Variants in SAMMSON observed in about 807,000 individuals in gnomAD.
The protein encoded by SAMMSON is survival associated mitochondrial melanoma specific oncogenic non-coding RNA.
chr3:70,019,582 A>G (rs562997966), intron 3 of SAMMSON, among the ~76,000 whole-genome samples: 3 of 152,114 alleles, frequency 2.0e-5, no homozygotes, highest in Non-Finnish European at 4.4e-5. Flanking sequence ...GCCCATTTAC[A>G]GTTACGGTTA....
At chr3:70,129,118 T>C (rs1289892537) in intron 4 of SAMMSON, among the ~76,000 whole-genome samples, 1 of 152,198 alleles carries the variant, frequency 6.6e-6, no homozygotes, top group Non-Finnish European at 1.5e-5. Context: ...GGATTATATG[T>C]ATCTGGCCTG....
At chr3:70,271,635 G>C (rs1238751719) in intron 6 of SAMMSON, 1 of 152,188 alleles carries the variant, frequency 6.6e-6, no homozygotes, top group Non-Finnish European at 1.5e-5. Flanking sequence ...ACCCAGCTAA[G>C]AAACTGACTC....
At chr3:70,380,828 A>C (rs1195300988) in intron 9 of SAMMSON, among the ~76,000 whole-genome samples, 1 of 152,134 alleles carries the variant, frequency 6.6e-6, no homozygotes, top group African/African-American at 2.4e-5. Flanking sequence ...TTTGCTGAGA[A>C]TGATGGTTTC....
intron 4 of SAMMSON, among the ~76,000 whole-genome samples, chr3:70,123,178 A>G (rs1340520617): frequency 6.6e-6 from 1 of 152,156 alleles, no homozygotes; most frequent in African/African-American, 2.4e-5. Context: ...CATTTCTACC[A>G]AGTTCAAAGA....
At chr3:70,386,900 A>G (rs1037414237) in intron 9 of SAMMSON, among the ~76,000 whole-genome samples, 7 of 152,118 alleles carry the variant, frequency 4.6e-5, no homozygotes, top group Non-Finnish European at 1.0e-4. Context: ...GATGTATTTC[A>G]GGAAAAGATG....
At chr3:70,220,169 G>A (rs1390627875) in intron 4 of SAMMSON, among the ~76,000 whole-genome samples, 1 of 152,026 alleles carries the variant, frequency 6.6e-6, no homozygotes, top group African/African-American at 2.4e-5. Flanking sequence ...AAAATTTTGA[G>A]AGAATAAGGT....
chr3:70,052,118 TAAA>T (rs948351206), intron 3 of SAMMSON, among the ~76,000 whole-genome samples: 1 of 151,864 alleles, frequency 6.6e-6, no homozygotes, highest in Admixed American at 6.6e-5. Flanking sequence ...AAATAAATAA[TAAA>T]AAAGAGAGAG....
In SAMMSON at chr3:70,142,319, GTA is replaced by G. The variant is rs542061034; in HGVS notation, n.507+70764_507+70765del. On this transcript the variant is annotated intron_variant and non_coding_transcript_variant, in intron 4 of 9. Transcript: ENST00000642114. ...TCAACAAGTGGATAAAGAAACTGTGGTATATATATATGTATATGATGGAATAC... is the reference window on the plus strand; with the variant it reads ...TCAACAAGTGGATAAAGAAACTGTGGTATATATATGTATATGATGGAATAC... 1.7e-3 allele frequency among the ~76,000 whole-genome samples: 251 copies of G among 151,978 alleles called. 2 individuals are homozygous for G. Among genetic ancestry groups the G allele is most frequent in the African/African-American group, 5.8e-3 (240 of 41,452 alleles).
intron 4 of SAMMSON, among the ~76,000 whole-genome samples, chr3:70,236,293 T>C (rs1257261556): frequency 6.6e-6 from 1 of 152,142 alleles, no homozygotes; most frequent in East Asian, 1.9e-4. Context: ...GACTTTAAAC[T>C]CCCTGCACTT....
At chr3:70,077,841 C>T (rs983398767) in intron 4 of SAMMSON, among the ~76,000 whole-genome samples, 8 of 152,134 alleles carry the variant, frequency 5.3e-5, no homozygotes, top group Non-Finnish European at 1.2e-4. Flanking sequence ...CATTGGTTCC[C>T]TAGAGACAAA....
intron 4 of SAMMSON, among the ~76,000 whole-genome samples, chr3:70,085,297 A>G (rs1396047546): frequency 2.0e-5 from 3 of 152,218 alleles, no homozygotes; most frequent in African/African-American, 7.2e-5. Flanking sequence ...GGGCTGACTC[A>G]CTGAATAAAC....
chr3:70,360,186 G>A lies in SAMMSON; in HGVS notation n.913+1862G>A, dbSNP rs560985281. Reference sequence around the variant, plus strand: ...AGAAAAGCCAAAGATTTAATAGAAAGGAGAAGAGCAAAAGATCTCCCGCCA... The same window carrying A: ...AGAAAAGCCAAAGATTTAATAGAAAAGAGAAGAGCAAAAGATCTCCCGCCA... On this transcript the variant is annotated intron_variant and non_coding_transcript_variant, in intron 9 of 9. Coordinates refer to ENST00000642114, the Ensembl canonical transcript of SAMMSON. 6.6e-5 allele frequency among the ~76,000 whole-genome samples: 10 copies of A among 152,202 alleles called. No homozygotes were observed. The South Asian group carries it at 1.9e-3, about 28-fold the overall frequency.
intron 4 of SAMMSON, among the ~76,000 whole-genome samples, chr3:70,181,344 T>G (rs987714519): frequency 6.6e-6 from 1 of 152,188 alleles, no homozygotes; most frequent in Non-Finnish European, 1.5e-5. Flanking sequence ...AACTAAAGTT[T>G]TAAGCTAAAG....
intron 2 of SAMMSON, among the ~76,000 whole-genome samples, chr3:70,417,043 G>A (rs1018967244): frequency 6.6e-6 from 1 of 151,946 alleles, no homozygotes; most frequent in African/African-American, 2.4e-5. Flanking sequence ...CTTTTCTGTT[G>A]AGCCCGGACC....
intron 2 of SAMMSON, among the ~76,000 whole-genome samples, chr3:70,412,457 G>A (rs1239665887): frequency 6.6e-6 from 1 of 152,158 alleles, no homozygotes; most frequent in African/African-American, 2.4e-5. Context: ...TATGCAAAGT[G>A]ATCAAGTCAA....
intron 7 of SAMMSON, among the ~76,000 whole-genome samples, chr3:70,305,455 G>C (rs375415009): frequency 8.5e-5 from 13 of 152,232 alleles, no homozygotes; most frequent in African/African-American, 3.1e-4. Context: ...ATATTTAAAT[G>C]AGATACAAAA....
chr3:70,097,939 T>C (rs1300749812), intron 4 of SAMMSON, among the ~76,000 whole-genome samples: 1 of 152,218 alleles, frequency 6.6e-6, no homozygotes, highest in Non-Finnish European at 1.5e-5. Flanking sequence ...GTATTAATCC[T>C]CACAACATTC....
chr3:70,209,987 C>A (rs542403720), intron 4 of SAMMSON, among the ~76,000 whole-genome samples: 1 of 152,052 alleles, frequency 6.6e-6, no homozygotes, highest in Non-Finnish European at 1.5e-5. Context: ...ATGGAGATTG[C>A]AGCAGCTATT....
chr3:70,215,306 T>C (rs929566150), intron 4 of SAMMSON, among the ~76,000 whole-genome samples: 8 of 152,122 alleles, frequency 5.3e-5, no homozygotes, highest in Non-Finnish European at 8.8e-5. Flanking sequence ...TTCTAATTCC[T>C]ATGGCAGTCA....
Sources: gnomAD v4.1 joint callset for allele counts (sites outside exome capture counted in the v4.1 genomes callset) on GRCh38, gnomAD v4.1.1 for gene constraint, MANE v1.5 for transcripts, NCBI Gene and HGNC (gene_info 2026-07-23, HGNC 2026-07-21) for gene names.